CROT: variants seen among roughly 807,000 people sequenced by gnomAD.
CROT encodes carnitine O-octanoyltransferase, also known as peroxisomal carnitine O-octanoyltransferase.
A neutral mutation model predicts 89.2 loss-of-function variants in CROT; 84 were observed. The ratio of observed to expected loss-of-function variants is 0.94; its 90% confidence interval spans 0.79 to 1.13. The LOEUF (loss-of-function observed/expected upper bound fraction) is 1.13. CROT is among the 50% of genes most tolerant of loss of function. The probability of loss-of-function intolerance (pLI) is 0.00; values close to 1 mark genes in which losing one functional copy is unlikely to be tolerated. For synonymous variants in CROT, 212 were observed against 239.5 expected, an observed-to-expected ratio of 0.89 and a Z score of 1.06; for missense variants, 711 against 727.8, an observed-to-expected ratio of 0.98 and a Z score of 0.27.
Position 87,369,428 on chromosome 7 carries a change from T to C in CROT, c.600T>C (p.Ala200=), listed in dbSNP as rs760809643. 2 of 1,613,398 alleles carry C rather than the reference T, an allele frequency of 1.2e-6. No homozygotes were observed. The highest frequency in any genetic ancestry group is 2.2e-5 in the South Asian group (2 of 91,016). ...TTGTAGTGCTGTGTCGAGGCCGAGC[T>C]TTTGTCTTTGATGTAATACATGAAG... ...NHIVVLCRGR[A]FVFDVIHEGC... is the part of the protein sequence containing the mutation. The change falls in exon 7 of 18, where the codon GCT becomes GCC. Residue 200 remains alanine (A), a synonymous_variant. Transcript: ENST00000331536.
At chr7:87,348,931 A>G (rs142380435) in intron 2 of CROT, 117 bp from the exon 3 acceptor site, 220 of 463,950 alleles carry the variant, frequency 4.7e-4, no homozygotes, top group African/African-American at 4.1e-3. Context: ...AGCTGGTACC[A>G]AGTCCTAGAT....
rs1807641050 is a variant in CROT, at chr7:87,398,787, A to G, written c.*143A>G. 1.9e-5 allele frequency: 14 copies of G among 750,904 alleles called. No homozygotes were observed. The South Asian group carries it at 2.4e-4, about 13-fold the overall frequency. 46.5% of individuals were successfully genotyped at this position (750,904 alleles called of 1,614,324 possible). ...AGAAAACTTGTTAAATGTAGAAATTAGTAGAATCATGCTCTCTAAATTTAT... is the reference window on the plus strand; with the variant it reads ...AGAAAACTTGTTAAATGTAGAAATTGGTAGAATCATGCTCTCTAAATTTAT... On this transcript the variant is annotated 3_prime_UTR_variant, in exon 18 of 18. Transcript: ENST00000331536.
chr7:87,391,496 C>A, intron 13 of CROT, 93 bp from the exon 14 acceptor site: 3 of 1,273,042 alleles, frequency 2.4e-6, no homozygotes, highest in Admixed American at 2.7e-5. Flanking sequence ...GGCTTAGTCT[C>A]TGAACAAAGC....
chr7:87,382,209 A>T (rs368445151), intron 12 of CROT, 28 bp downstream of exon 12: 194 of 1,549,014 alleles, frequency 1.3e-4, no homozygotes, highest in Middle Eastern at 3.4e-4. Flanking sequence ...CTCTTAAATA[A>T]TAATGATTTT....
chr7:87,379,092 T>G (rs184595522), intron 10 of CROT, among the ~76,000 whole-genome samples: 9 of 152,332 alleles, frequency 5.9e-5, no homozygotes, highest in African/African-American at 2.2e-4. Flanking sequence ...TTTATGTCCT[T>G]ACCATTCCTT....
At chr7:87,368,877 C>G (rs1806534665) in intron 6 of CROT, among the ~76,000 whole-genome samples, 1 of 152,204 alleles carries the variant, frequency 6.6e-6, no homozygotes. Context: ...TGTTACCAGA[C>G]TGGACAAAAT....
chr7:87,372,852 C>T (rs1440357850), intron 7 of CROT, among the ~76,000 whole-genome samples: 1 of 152,096 alleles, frequency 6.6e-6, no homozygotes, highest in African/African-American at 2.4e-5. Context: ...AACTATTCAT[C>T]AGTTGATGGA....
chr7:87,382,688 A>C (rs1044616720), intron 13 of CROT, 145 bp downstream of exon 13: 1 of 748,868 alleles, frequency 1.3e-6, no homozygotes, highest in Non-Finnish European at 2.1e-6. Flanking sequence ...CCATCAATAG[A>C]GTATTAGATT....
chr7:87,383,871 A>C (rs905144593), intron 13 of CROT, among the ~76,000 whole-genome samples: 2 of 152,172 alleles, frequency 1.3e-5, no homozygotes, highest in Non-Finnish European at 2.9e-5. Flanking sequence ...ATAGTGCTGC[A>C]ATAAACATTG....
At chr7:87,398,352 A>G (rs1320015004) in intron 17 of CROT, 172 bp from the exon 18 acceptor site, 1 of 781,630 alleles carries the variant, frequency 1.3e-6, no homozygotes, top group Non-Finnish European at 2.2e-6. Context: ...GTTTCTTAGC[A>G]TTATCTACAG....
At chr7:87,384,815 A>C (rs1183066725) in intron 13 of CROT, among the ~76,000 whole-genome samples, 1 of 152,162 alleles carries the variant, frequency 6.6e-6, no homozygotes, top group Admixed American at 6.6e-5. Context: ...AGCATCCTCA[A>C]TGTTTTCTTT....
chr7:87,369,411 C>T lies in CROT; in HGVS notation c.583C>T (p.Leu195=). 1 of 1,613,014 alleles carries T rather than the reference C, an allele frequency of 6.2e-7. No individual in the cohort carries two copies. The change falls in exon 7 of 18, where the codon CTG becomes TTG. Residue 195 remains leucine, a synonymous_variant. Transcript: ENST00000331536. ...GCGTTCCCCAAACCACATTGTAGTG[C>T]TGTGTCGAGGCCGAGCTTTTGTCTT... ...EGRSPNHIVV[L]CRGRAFVFDV... is the part of the protein sequence containing the mutation.
At chr7:87,390,974 G>A (rs1807339782) in intron 13 of CROT, among the ~76,000 whole-genome samples, 2 of 152,122 alleles carry the variant, frequency 1.3e-5, no homozygotes, top group Admixed American at 1.3e-4. Flanking sequence ...ACTTAATAAA[G>A]GTTTTTCATG....
intron 17 of CROT, among the ~76,000 whole-genome samples, chr7:87,396,854 T>C (rs890339090): frequency 5.9e-5 from 9 of 152,184 alleles, no homozygotes; most frequent in Admixed American, 2.0e-4. Context: ...TGAATTTCAT[T>C]CTTGCTTATT....
chr7:87,396,529 A>G (rs1807530885), intron 17 of CROT, among the ~76,000 whole-genome samples: 1 of 152,196 alleles, frequency 6.6e-6, no homozygotes, highest in Admixed American at 6.6e-5. Flanking sequence ...GGGTTGGTAC[A>G]GTATAGAAAC....
At chr7:87,373,962 C>T (rs1806725562) in intron 7 of CROT, among the ~76,000 whole-genome samples, 1 of 152,008 alleles carries the variant, frequency 6.6e-6, no homozygotes, top group Non-Finnish European at 1.5e-5. Flanking sequence ...GAAAATTAGA[C>T]TTAAATAAAG....
chr7:87,381,827 T>G lies in CROT; in HGVS notation c.979-83T>G, dbSNP rs1194266942. ...TCTATGCTTTATTATCTGTTAAGAA[T>G]GGACACAAAGTGAAAATAAAATATT... On this transcript the variant is annotated intron_variant, in intron 10 of 17. Coordinates refer to ENST00000331536, the MANE Select transcript of CROT (RefSeq NM_021151.4). The G allele has an allele frequency of 5.6e-6, 5 of 895,966 alleles. No individual in the cohort carries two copies. The Admixed American group carries it at 1.2e-4, about 21-fold the overall frequency. 55.5% of individuals were successfully genotyped at this position (895,966 alleles called of 1,614,324 possible). A position where few individuals can be genotyped will look rare whatever the true frequency, so the allele number is the denominator to read the frequency against.
chr7:87,393,514 G>A (rs1305092295), intron 17 of CROT, among the ~76,000 whole-genome samples: 1 of 152,204 alleles, frequency 6.6e-6, no homozygotes, highest in Non-Finnish European at 1.5e-5. Context: ...CACTTGGGCT[G>A]TGTGGAGTTT....
intron 6 of CROT, among the ~76,000 whole-genome samples, chr7:87,362,223 T>C (rs1806300811): frequency 6.6e-6 from 1 of 152,176 alleles, no homozygotes; most frequent in Non-Finnish European, 1.5e-5. Flanking sequence ...TTTACTTATA[T>C]GTGCTTATCA....
Sources: gnomAD v4.1 joint callset for allele counts (sites outside exome capture counted in the v4.1 genomes callset) on GRCh38, gnomAD v4.1.1 for gene constraint, MANE v1.5 for transcripts, NCBI Gene and HGNC (gene_info 2026-07-23, HGNC 2026-07-21) for gene names.